The following PGAP4 variants were observed in gnomAD, a reference collection of about 807,000 sequenced individuals.
PGAP4 encodes post-GPI attachment to proteins GalNAc transferase 4, also known as GPI-N-acetylgalactosamine transferase PGAP4.
Under a neutral mutation model 28.2 loss-of-function variants are expected in PGAP4, and 12 were observed. That is an observed-to-expected ratio of 0.42 (90% confidence interval 0.27 to 0.69). The LOEUF is 0.69. Ranked by LOEUF, PGAP4 falls within the 30% of genes least tolerant of loss-of-function variation. PGAP4 has a pLI of 0.22. For missense variants in PGAP4, 425 were observed against 513.5 expected (o/e 0.83, Z 1.67); for synonymous variants, 205 against 211.8 (o/e 0.97, Z 0.28).
At chr9:101,480,055 A>C (rs1210658435) in intron 1 of PGAP4, 1 of 152,142 alleles carries the variant, frequency 6.6e-6, no homozygotes, top group East Asian at 1.9e-4. Context: ...TCAATAGAAA[A>C]AAAAAAGGCA....
intron 2 of PGAP4, among the ~76,000 whole-genome samples, chr9:101,499,540 T>C (rs1826780023): frequency 1.3e-5 from 2 of 152,068 alleles, no homozygotes; most frequent in South Asian, 4.1e-4. Flanking sequence ...CTTTCATAAT[T>C]GTTTTGAAGT....
intron 2 of PGAP4, among the ~76,000 whole-genome samples, chr9:101,519,056 T>G (rs1391198213): frequency 6.6e-6 from 1 of 152,224 alleles, no homozygotes; most frequent in East Asian, 1.9e-4. Context: ...TGCATTTCCC[T>G]GATCATTAGT....
At position 101,512,088 on chromosome 9, in the gene PGAP4, A is replaced by C. The variant is rs374574893; in HGVS notation, c.-165+19260T>G. Reference sequence around the variant, plus strand: ...GTGTAGCACTGATGCCCTAAGTCTCACCTGGGTGAGAGCCTGACCAAAAGC... The same window carrying C: ...GTGTAGCACTGATGCCCTAAGTCTCCCCTGGGTGAGAGCCTGACCAAAAGC... On this transcript the variant is annotated intron_variant, in intron 2 of 3. Coordinates refer to the PGAP4 transcript ENST00000374851. 2.3e-4 allele frequency among the ~76,000 whole-genome samples: 35 copies of C among 152,270 alleles called. No individual in the cohort carries two copies. In the South Asian group the frequency reaches 7.1e-3, roughly 31 times the overall value.
intron 2 of PGAP4, among the ~76,000 whole-genome samples, chr9:101,507,053 C>G (rs1310936971): frequency 1.3e-5 from 2 of 151,978 alleles, no homozygotes; most frequent in Non-Finnish European, 2.9e-5. Context: ...TAGTTGACCC[C>G]AACAGTCAAT....
intron 1 of PGAP4, among the ~76,000 whole-genome samples, chr9:101,484,840 T>C (rs1485722499): frequency 2.0e-5 from 3 of 151,968 alleles, no homozygotes; most frequent in African/African-American, 7.2e-5. Flanking sequence ...TCAGTGCAAA[T>C]TACAGAAAAA....
intron 2 of PGAP4, among the ~76,000 whole-genome samples, chr9:101,522,603 A>T (rs1269267819): frequency 2.0e-5 from 3 of 152,046 alleles, no homozygotes; most frequent in African/African-American, 7.2e-5. Flanking sequence ...AGTTTATGTG[A>T]GTCGTTATGT....
At chr9:101,500,051 A>G (rs1455851215) in intron 2 of PGAP4, among the ~76,000 whole-genome samples, 1 of 151,950 alleles carries the variant, frequency 6.6e-6, no homozygotes, top group Non-Finnish European at 1.5e-5. Flanking sequence ...CAAAGAAAAA[A>G]GTTTAGTTCA....
chr9:101,516,595 A>C (rs1347015474), intron 2 of PGAP4, among the ~76,000 whole-genome samples: 1 of 152,188 alleles, frequency 6.6e-6, no homozygotes, highest in African/African-American at 2.4e-5. Context: ...TTTAAATTAA[A>C]ATATGTTGAT....
intron 2 of PGAP4, among the ~76,000 whole-genome samples, chr9:101,512,655 C>G (rs1442518461): frequency 6.6e-6 from 1 of 152,044 alleles, no homozygotes; most frequent in Admixed American, 6.6e-5. Context: ...TATCAAATGT[C>G]TATATAGGGA....
At chr9:101,524,838 C>T (rs1827020749) in intron 2 of PGAP4, among the ~76,000 whole-genome samples, 1 of 152,186 alleles carries the variant, frequency 6.6e-6, no homozygotes, top group African/African-American at 2.4e-5. Context: ...CTGGGTCCTG[C>T]AGGAGTAGTC....
intron 2 of PGAP4, among the ~76,000 whole-genome samples, chr9:101,500,907 A>G (rs555907661): frequency 1.3e-5 from 2 of 152,016 alleles, no homozygotes; most frequent in East Asian, 3.9e-4. Context: ...TTGATGTCTG[A>G]TGTCTGTGGT....
rs1826214660 is a variant in PGAP4, at chr9:101,473,592, G to T, written c.*2289C>A. On this transcript the variant is annotated 3_prime_UTR_variant, in exon 2 of 2. Transcript: ENST00000374848. ...AAAGGCATGTTAGTGTGTAGGTAGAGAAACTGGACAAGGAAGGATGGCCTT... is the reference window on the plus strand; with the variant it reads ...AAAGGCATGTTAGTGTGTAGGTAGATAAACTGGACAAGGAAGGATGGCCTT... 1.3e-5 allele frequency: 2 copies of T among 152,280 alleles called. No individual in the cohort carries two copies. The highest frequency in any genetic ancestry group is 4.8e-5 in the African/African-American group (2 of 41,462). The allele number at this position is 152,280 out of a possible 1,614,324, so 9.4% of individuals were successfully genotyped here.
chr9:101,524,259 G>A (rs1564102780), intron 2 of PGAP4, among the ~76,000 whole-genome samples: 2 of 151,476 alleles, frequency 1.3e-5, no homozygotes, highest in African/African-American at 2.4e-5. Context: ...GGTAAGTGGC[G>A]GTAAGCTGGC....
At chr9:101,520,561 T>C (rs969560132) in intron 2 of PGAP4, among the ~76,000 whole-genome samples, 4 of 152,228 alleles carry the variant, frequency 2.6e-5, no homozygotes, top group African/African-American at 9.6e-5. Flanking sequence ...TTGTGTACAT[T>C]AATGTTGTAT....
At chr9:101,530,678 T>C (rs570545818) in intron 2 of PGAP4, among the ~76,000 whole-genome samples, 1 of 152,342 alleles carries the variant, frequency 6.6e-6, no homozygotes, top group South Asian at 2.1e-4. Context: ...CCTCTTCATC[T>C]ATTCTATTTT....
chr9:101,480,503 G>C (rs989541093), intron 1 of PGAP4, among the ~76,000 whole-genome samples: 1 of 152,102 alleles, frequency 6.6e-6, no homozygotes, highest in African/African-American at 2.4e-5. Flanking sequence ...TCACTGACTG[G>C]AACAAATCAC....
chr9:101,531,084 C>T (rs1357832527), intron 2 of PGAP4, among the ~76,000 whole-genome samples: 1 of 152,102 alleles, frequency 6.6e-6, no homozygotes, highest in Non-Finnish European at 1.5e-5. Context: ...CAAATCTTTC[C>T]TGGGGCTCCA....
chr9:101,513,221 T>C (rs974672920), intron 2 of PGAP4, among the ~76,000 whole-genome samples: 3 of 152,156 alleles, frequency 2.0e-5, no homozygotes, highest in African/African-American at 7.2e-5. Context: ...TTGTCCGCAA[T>C]GAAGTATCTG....
intron 2 of PGAP4, among the ~76,000 whole-genome samples, chr9:101,527,489 C>T (rs915447323): frequency 2.0e-5 from 3 of 152,012 alleles, no homozygotes; most frequent in Non-Finnish European, 2.9e-5. Context: ...CCTTATTGAT[C>T]CTAGAATAAT....
Sources: allele counts gnomAD v4.1 joint callset (sites outside exome capture counted in the v4.1 genomes callset), GRCh38; gene constraint gnomAD v4.1.1; transcripts MANE v1.5; gene names NCBI Gene and HGNC (gene_info 2026-07-23, HGNC 2026-07-21).